TTC14: variants seen among roughly 807,000 people sequenced by gnomAD.
The protein encoded by TTC14 is tetratricopeptide repeat domain 14.
In TTC14, 63 loss-of-function variants were observed where a neutral mutation model predicts 79.9. The observed-to-expected ratio is 0.79, with a 90% CI of 0.64 to 0.97. The LOEUF (loss-of-function observed/expected upper bound fraction) is 0.97. Among genes scored for constraint, TTC14 ranks in the 50% least tolerant of loss-of-function variants. The pLI is 0.00. For missense variants in TTC14, 895 were observed against 894.0 expected (o/e 1.00, Z -0.01); for synonymous variants, 335 against 309.6 (o/e 1.08, Z -0.86).
intron 12 of TTC14, chr3:180,616,186 G>A: frequency 2.0e-6 from 2 of 985,244 alleles, no homozygotes; most frequent in Non-Finnish European, 3.2e-6. Flanking sequence ...GAGTGCATGG[G>A]CCTGCCTAAC....
At chr3:180,607,496 G>A in intron 9 of TTC14, 152 bp from the exon 10 acceptor site, 6 of 1,225,840 alleles carry the variant, frequency 4.9e-6, no homozygotes, top group Non-Finnish European at 6.3e-6. Flanking sequence ...ATAAATTACA[G>A]TAAAAAGCAT....
Position 180,610,303 on chromosome 3 carries a change from G to C in TTC14, c.2074G>C (p.Gly692Arg), listed in dbSNP as rs1017304685. The change falls in exon 12 of 12, where the codon GGA becomes CGA. Residue 692 changes from glycine to arginine, a missense_variant. Coordinates refer to ENST00000296015, the MANE Select transcript of TTC14 (RefSeq NM_133462.4). ...GAAATACAAAAAATACGCTCACTCT[G>C]GATCACGTGATTTCAGTAGACATGA... ...VEKYKKYAHS[G>R]SRDFSRHEQR... is the part of the protein sequence containing the mutation. The C allele has an allele frequency of 6.2e-7, 1 of 1,613,262 alleles. No individual in the cohort carries two copies. Among genetic ancestry groups the C allele is most frequent in the African/African-American group, 1.3e-5 (1 of 74,788 alleles).
intron 6 of TTC14, chr3:180,605,335 G>A (rs1458856684): frequency 5.2e-6 from 1 of 193,666 alleles, no homozygotes; most frequent in African/African-American, 2.4e-5. Context: ...GGAGTGCAGT[G>A]GCGCTATCTC....
downstream of TTC14, chr3:180,614,145 T>TA (rs1472762260): frequency 6.0e-6 from 1 of 167,746 alleles, no homozygotes; most frequent in Admixed American, 5.9e-5. Flanking sequence ...CCTCCAACTG[T>TA]AAATGAAATT....
Position 180,604,501 on chromosome 3 carries a change from T to TA in TTC14, c.596dup (p.Tyr199Ter). The change falls in exon 5 of 12, where the codon TAC (tyrosine) becomes TAAC (stop). Residue 199 changes from tyrosine (Y) to a stop codon, truncating the protein, a stop_gained and frameshift_variant. Transcript: ENST00000296015. LOFTEE classifies it high-confidence loss of function. ...AGCTGGAATCAAGGATATTGACAGA[T>TA]ACCATGAAAAGCTAGCAGTATCTCT... is the stretch of plus-strand genomic sequence containing the variant. Reference protein sequence around the residue: ...IRAGIKDIDRYHEKLAVSLYS... With the variant: ...IRAGIKDIDR 2 of 1,602,366 alleles carry TA rather than the reference T, an allele frequency of 1.2e-6. No individual in the cohort carries two copies. Among genetic ancestry groups the TA allele is most frequent in the Non-Finnish European group, 1.7e-6 (2 of 1,176,458 alleles).
chr3:180,603,077 G>A (rs760508375), intron 2 of TTC14, 47 bp from the exon 3 acceptor site: 7 of 1,610,420 alleles, frequency 4.3e-6, no homozygotes, highest in Middle Eastern at 1.7e-4. Flanking sequence ...CAGGTGAAAC[G>A]GAACTCAAAA....
chr3:180,618,208 A>G (rs1203843719), downstream of TTC14, among the ~76,000 whole-genome samples: 2 of 152,168 alleles, frequency 1.3e-5, no homozygotes, highest in Non-Finnish European at 2.9e-5. Context: ...TCATCAGAAC[A>G]CATTCCCATT....
At chr3:180,617,965 C>T (rs1243461400), downstream of TTC14, 1 of 153,078 alleles carries the variant, frequency 6.5e-6, no homozygotes, top group Non-Finnish European at 1.5e-5. Flanking sequence ...GGTAAGTGCC[C>T]TGTACAGGTG....
chr3:180,604,673 A>C, intron 5 of TTC14, 66 bp downstream of exon 5: 1 of 1,517,548 alleles, frequency 6.6e-7, no homozygotes, highest in Non-Finnish European at 8.9e-7. Context: ...GGAATACCAC[A>C]TTTTTATAAC....
downstream of TTC14, among the ~76,000 whole-genome samples, chr3:180,612,280 T>G (rs1046910468): frequency 2.0e-5 from 3 of 152,206 alleles, no homozygotes; most frequent in African/African-American, 7.2e-5. Flanking sequence ...CCTTAATTAA[T>G]TCATATAAAT....
In TTC14 at chr3:180,606,643, TC is replaced by T. The variant is rs111956640; in HGVS notation, c.1172+41del. On this transcript the variant is annotated intron_variant, in intron 9 of 11. Coordinates refer to ENST00000296015, the MANE Select transcript of TTC14 (RefSeq NM_133462.4). ...TTGTTTAATAGTGGAGGTCTAATGT[TC>T]AACCAACCACTAAAAAATTTTGAAC... 9.1e-4 allele frequency: 1,431 copies of T among 1,564,854 alleles called. 12 individuals are homozygous for T. In the African/African-American group the frequency reaches 0.018, roughly 19 times the overall value.
chr3:180,605,239 T>C (rs1271796470), intron 6 of TTC14: 5 of 374,636 alleles, frequency 1.3e-5, no homozygotes, highest in Non-Finnish European at 1.9e-5. Flanking sequence ...TATAAGAATT[T>C]TGTGTGTATG....
Position 180,617,335 on chromosome 3 carries a change from C to T in TTC14, c.1775-45C>T, listed in dbSNP as rs531052462. ...TTGATAGTGATAATAAAAGATATTA[C>T]TGATTTATGTATTTACTATACAATA... On this transcript the variant is annotated intron_variant, in intron 12 of 12. Coordinates refer to the TTC14 transcript ENST00000382584. 5 of 499,086 alleles carry T rather than the reference C, an allele frequency of 1.0e-5. No individual in the cohort carries two copies. The Admixed American group carries it at 1.3e-4, about 13-fold the overall frequency. 30.9% of individuals were successfully genotyped at this position (499,086 alleles called of 1,614,324 possible).
In TTC14 at chr3:180,605,763, T is replaced by C; in HGVS notation, c.858-3T>C. ...ACTTTTTAATTTTTATTTTCTTTAA[T>C]AGCAAAAATTTCTCTGAAGATGATT... On this transcript the variant is annotated splice_region_variant and splice_polypyrimidine_tract_variant and intron_variant, in intron 6 of 11. Transcript: ENST00000296015. 2 of 1,568,436 alleles carry C rather than the reference T, an allele frequency of 1.3e-6. No individual in the cohort carries two copies. Among genetic ancestry groups the C allele is most frequent in the Non-Finnish European group, 1.7e-6 (2 of 1,165,866 alleles).
downstream of TTC14, chr3:180,615,090 C>A (rs551513036): frequency 4.6e-6 from 7 of 1,509,580 alleles, no homozygotes; most frequent in African/African-American, 7.1e-5. Flanking sequence ...AGAAGAAAAA[C>A]CAGAATTATA....
chr3:180,609,244 C>T, intron 11 of TTC14: 2 of 479,166 alleles, frequency 4.2e-6, no homozygotes, highest in Non-Finnish European at 5.5e-6. Context: ...AGGTCAGCTC[C>T]CACCCGCACC....
chr3:180,607,983 T>G, intron 10 of TTC14: 1 of 1,282,760 alleles, frequency 7.8e-7, no homozygotes, highest in South Asian at 2.1e-5. Flanking sequence ...AACTATTACC[T>G]AAATTTGGTA....
At chr3:180,602,844 G>C (rs1037656366) in intron 1 of TTC14, 47 bp from the exon 2 acceptor site, 22 of 1,575,652 alleles carry the variant, frequency 1.4e-5, no homozygotes, top group African/African-American at 4.1e-5. Context: ...GAAGTAAAGA[G>C]GCTTTGCAGA....
chr3:180,613,892 G>C (rs1166902751), downstream of TTC14: 1 of 455,016 alleles, frequency 2.2e-6, no homozygotes, highest in South Asian at 1.6e-5. Flanking sequence ...ATAATCAGGA[G>C]AACTATTCAC....
Sources: gnomAD v4.1 joint callset for allele counts (sites outside exome capture counted in the v4.1 genomes callset) on GRCh38, gnomAD v4.1.1 for gene constraint, MANE v1.5 for transcripts, NCBI Gene and HGNC (gene_info 2026-07-23, HGNC 2026-07-21) for gene names.